PGPEP1: variants seen among roughly 807,000 people sequenced by gnomAD.
PGPEP1 encodes pyroglutamyl-peptidase 1.
PGPEP1 carries 15 observed loss-of-function variants against 24.1 expected under a neutral mutation model. The ratio of observed to expected loss-of-function variants is 0.62; its 90% CI spans 0.42 to 0.96. The LOEUF (loss-of-function observed/expected upper bound fraction) is 0.96, where lower values mean the gene tolerates loss of function less well. Ranked by LOEUF, PGPEP1 falls within the 40% of genes least tolerant of loss-of-function variation. PGPEP1 has a pLI of 0.00. For synonymous variants in PGPEP1, 122 were observed against 116.4 expected (o/e 1.05, Z -0.31); for missense variants, 242 against 273.4 (o/e 0.89, Z 0.81).
chr19:18,368,141 G>GAA lies in PGPEP1; in HGVS notation c.*4567_*4568dup. ...GAGCAAGACCCTGCCTCAAAATTAA[G>GAA]AAAAAAAAAAGGGGGGCCAGGCGCA... On this transcript the variant is annotated 3_prime_UTR_variant, in exon 5 of 5. Transcript: ENST00000269919. 1 of 144,466 alleles carries GAA rather than the reference G, an allele frequency of 6.9e-6. No homozygotes were observed. The highest frequency in any genetic ancestry group is 1.5e-5 in the Non-Finnish European group (1 of 65,506). 8.9% of individuals were successfully genotyped at this position (144,466 alleles called of 1,614,324 possible). A position where few individuals can be genotyped will look rare whatever the true frequency, so the allele number is the denominator to read the frequency against.
intron 4 of PGPEP1, among the ~76,000 whole-genome samples, chr19:18,363,033 T>TTTTGTG (rs375117395): frequency 2.2e-5 from 3 of 136,686 alleles, no homozygotes; most frequent in African/African-American, 8.3e-5. Flanking sequence ...TTTTTTTTGT[T>TTTTGTG]TGTGTGTGTG....
intron 1 of PGPEP1, among the ~76,000 whole-genome samples, chr19:18,342,574 C>A (rs1970700870): frequency 1.3e-5 from 2 of 152,182 alleles, no homozygotes; most frequent in African/African-American, 2.4e-5. Context: ...GGATCAGGAC[C>A]TTTTCGGAGG....
chr19:18,358,417 C>T (rs1294570859), intron 4 of PGPEP1, among the ~76,000 whole-genome samples: 1 of 151,440 alleles, frequency 6.6e-6, no homozygotes, highest in South Asian at 2.1e-4. Flanking sequence ...TGCACCACCA[C>T]GCCCGGATAA....
intron 2 of PGPEP1, 66 bp from the exon 3 acceptor site, chr19:18,355,829 C>A (rs1971165242): frequency 2.0e-6 from 2 of 995,400 alleles, no homozygotes; most frequent in Non-Finnish European, 1.6e-6. Context: ...TTTCACCCCC[C>A]AGAGAGCGCA....
At position 18,357,524 on chromosome 19, in the gene PGPEP1, A is replaced by G; in HGVS notation, c.346A>G (p.Ile116Val). The G allele has an allele frequency of 6.2e-7, 1 of 1,613,490 alleles. No homozygotes were observed. The highest frequency in any genetic ancestry group is 8.5e-7 in the Non-Finnish European group (1 of 1,179,744). The change falls in exon 4 of 5, where the codon ATT becomes GTT. Residue 116 changes from isoleucine to valine, a missense_variant. Physicochemically the swap from Ile to Val is conservative, Grantham distance 29. Transcript: ENST00000269919. Reference protein sequence around the residue: ...QCCVEDGPESIDSIIDMDAVC... With the variant: ...QCCVEDGPESVDSIIDMDAVC... ...CTGCGTGGAGGACGGGCCTGAAAGC[A>G]TTGACTCCATCATCGACATGGATGC... is the stretch of plus-strand genomic sequence containing the variant.
In PGPEP1 at chr19:18,340,713, C is replaced by T. The variant is rs1433119945; in HGVS notation, c.32C>T (p.Thr11Met). ...CAGCCGAGGAAGGCGGTGGTAGTGA[C>T]GGGTACGCTGGCTGATGGGGGCTGT... MEQPRKAVVV[T>M]GFGPFGEHTV... Residue 11 changes from threonine (T) to methionine (M), a missense_variant and splice_region_variant, in exon 1 of 5, where the codon ACG becomes ATG. Transcript: ENST00000269919. 2 of 1,527,324 alleles carry T rather than the reference C, an allele frequency of 1.3e-6. No individual in the cohort carries two copies. Among genetic ancestry groups the T allele is most frequent in the South Asian group, 1.2e-5 (1 of 82,448 alleles). The allele number at this position is 1,527,324 out of a possible 1,614,324, so 94.6% of individuals were successfully genotyped here.
rs751278869 is a variant in PGPEP1 at position 18,357,505 on chromosome 19, G to A, written c.327G>A (p.Val109=). The A allele has an allele frequency of 1.9e-6, 3 of 1,613,504 alleles. No homozygotes were observed. In the African/African-American group the frequency reaches 4.0e-5, roughly 22 times the overall value. The part of the protein sequence containing the change: ...CRFCPGSQCC[V]EDGPESIDSI... ...TTTGCCCCGGCTCCCAGTGCTGCGT[G>A]GAGGACGGGCCTGAAAGCATTGACT... is the stretch of plus-strand genomic sequence containing the variant. The change falls in exon 4 of 5, where the codon GTG becomes GTA. Residue 109 remains valine (V), a synonymous_variant. Coordinates refer to ENST00000269919, the MANE Select transcript of PGPEP1 (RefSeq NM_017712.4).
rs1432954075 is a variant in PGPEP1, at chr19:18,367,629, GGAAA to G, written c.*4052_*4055del. On this transcript the variant is annotated 3_prime_UTR_variant, in exon 5 of 5. Transcript: ENST00000269919. Reference sequence around the variant, plus strand: ...AAAAAGAAATAAGATGGAGTGGAAAGGAAAGAAAGGAAGAAGCAGGAATTCAAGG... The same window carrying G: ...AAAAAGAAATAAGATGGAGTGGAAAGGAAAGGAAGAAGCAGGAATTCAAGG... 2.0e-5 allele frequency: 3 copies of G among 152,264 alleles called. No individual in the cohort carries two copies. In the East Asian group the frequency reaches 5.8e-4, roughly 29 times the overall value. 9.4% of individuals were successfully genotyped at this position (152,264 alleles called of 1,614,324 possible). A position where few individuals can be genotyped will look rare whatever the true frequency, so the allele number is the denominator to read the frequency against.
At position 18,355,987 on chromosome 19, in the gene PGPEP1, C is replaced by G. The variant is rs780918292; in HGVS notation, c.180C>G (p.Ala60=). 7 of 1,611,016 alleles carry G rather than the reference C, an allele frequency of 4.3e-6. No homozygotes were observed. Among genetic ancestry groups the G allele is most frequent in the East Asian group, 2.2e-5 (1 of 44,860 alleles). The change falls in exon 3 of 5, where the codon GCC becomes GCG. Residue 60 remains alanine, a synonymous_variant. Transcript: ENST00000269919. ...AAACAGTCCAGAGACTCATCCCCGC[C>G]CTGTGGGAGAAGCACAGTCCACAGG... is the stretch of plus-strand genomic sequence containing the variant. ...EYQTVQRLIP[A]LWEKHSPQLV...
At chr19:18,344,822 C>T (rs1176679923) in intron 2 of PGPEP1, among the ~76,000 whole-genome samples, 1 of 151,998 alleles carries the variant, frequency 6.6e-6, no homozygotes, top group Non-Finnish European at 1.5e-5. Flanking sequence ...AATTCCTGGG[C>T]CCCAGACACT....
At chr19:18,349,246 A>G (rs1970949994) in intron 2 of PGPEP1, among the ~76,000 whole-genome samples, 1 of 151,920 alleles carries the variant, frequency 6.6e-6, no homozygotes, top group South Asian at 2.1e-4. Flanking sequence ...CAGTGGTGCA[A>G]TCTCAGCTCA....
At chr19:18,350,138 G>A (rs922335375) in intron 2 of PGPEP1, among the ~76,000 whole-genome samples, 12 of 151,938 alleles carry the variant, frequency 7.9e-5, no homozygotes, top group African/African-American at 2.4e-4. Flanking sequence ...CTCCTGCCTC[G>A]CCCTCCCGAG....
rs1326773995 is a variant in PGPEP1 at position 18,367,691 on chromosome 19, C to G, written c.*4108C>G. On this transcript the variant is annotated 3_prime_UTR_variant, in exon 5 of 5. Coordinates refer to ENST00000269919, the MANE Select transcript of PGPEP1 (RefSeq NM_017712.4). ...GCTGAGCTTGGGGCCACCTAGCCCA[C>G]CTGCTCCAATCAAGGGCTGGAACAA... The G allele has an allele frequency of 6.6e-6, 1 of 152,188 alleles. No homozygotes were observed. The highest frequency in any genetic ancestry group is 2.4e-5 in the African/African-American group (1 of 41,396). The allele number at this position is 152,188 out of a possible 1,614,324, so 9.4% of individuals were successfully genotyped here. A position where few individuals can be genotyped will look rare whatever the true frequency, so the allele number is the denominator to read the frequency against.
rs1971211818 is a variant in PGPEP1, at chr19:18,357,342, A to G, written c.205-41A>G. The stretch of plus-strand genomic sequence containing the variant: ...CCTCAGGGGGACCCCTCTGAGTCCC[A>G]CGGGCAGGCCATGTTAAGTCCTGCC... On this transcript the variant is annotated intron_variant, in intron 3 of 4. Transcript: ENST00000269919. 2.0e-6 allele frequency: 3 copies of G among 1,520,226 alleles called. No individual in the cohort carries two copies. The South Asian group carries it at 3.4e-5, about 17-fold the overall frequency. 94.2% of individuals were successfully genotyped at this position (1,520,226 alleles called of 1,614,324 possible). A position where few individuals can be genotyped will look rare whatever the true frequency, so the allele number is the denominator to read the frequency against.
chr19:18,343,979 C>T (rs1053444328), intron 2 of PGPEP1, among the ~76,000 whole-genome samples: 1 of 152,086 alleles, frequency 6.6e-6, no homozygotes, highest in East Asian at 1.9e-4. Context: ...CCACTACCCC[C>T]GGCCAGGATC....
At chr19:18,348,717 A>G (rs1227121638) in intron 2 of PGPEP1, among the ~76,000 whole-genome samples, 2 of 152,188 alleles carry the variant, frequency 1.3e-5, no homozygotes, top group Non-Finnish European at 2.9e-5. Flanking sequence ...TACATCAGGC[A>G]ATGTGAACAG....
rs1184490308 is a variant in PGPEP1 at position 18,366,476 on chromosome 19, AT to A, written c.*2898del. The A allele has an allele frequency of 6.6e-6, 1 of 151,564 alleles. No homozygotes were observed. The highest frequency in any genetic ancestry group is 1.5e-5 in the Non-Finnish European group (1 of 67,926). 9.4% of individuals were successfully genotyped at this position (151,564 alleles called of 1,614,324 possible). On this transcript the variant is annotated 3_prime_UTR_variant, in exon 5 of 5. Transcript: ENST00000269919. ...TTTATTTTTCTCATTGTTATTTTTT[AT>A]TTTTATTTTTTGAGATGGATTCTCA...
chr19:18,357,838 C>A (rs1309224054), intron 4 of PGPEP1: 1 of 560,782 alleles, frequency 1.8e-6, no homozygotes, highest in East Asian at 3.0e-5. Context: ...CCACCAAGGC[C>A]CCCAGCATCT....
rs1970652345 is a variant in PGPEP1 at position 18,340,857 on chromosome 19, G to T, written c.34+142G>T. The T allele has an allele frequency of 1.0e-5, 6 of 595,022 alleles. No individual in the cohort carries two copies. The East Asian group carries it at 2.1e-4, about 21-fold the overall frequency. 36.9% of individuals were successfully genotyped at this position (595,022 alleles called of 1,614,324 possible). A position where few individuals can be genotyped will look rare whatever the true frequency, so the allele number is the denominator to read the frequency against. ...TCATCACCCGCGGGAGCCCCGCGCA[G>T]CCCAGGCTTCCTGGAAAGTGGAGGA... is the stretch of plus-strand genomic sequence containing the variant. On this transcript the variant is annotated intron_variant, in intron 1 of 4. Transcript: ENST00000269919.
Sources: gnomAD v4.1 joint callset for allele counts (sites outside exome capture counted in the v4.1 genomes callset) on GRCh38, gnomAD v4.1.1 for gene constraint, MANE v1.5 for transcripts, NCBI Gene and HGNC (gene_info 2026-07-23, HGNC 2026-07-21) for gene names.